Variants in DLG2 observed in about 807,000 individuals in gnomAD.
The protein encoded by DLG2 is disks large homolog 2.
Under a neutral mutation model 132.5 loss-of-function variants are expected in DLG2, and 45 were observed. The ratio of observed to expected loss-of-function variants is 0.34; its 90% CI spans 0.27 to 0.44. The LOEUF (loss-of-function observed/expected upper bound fraction) is 0.44, where lower values mean the gene tolerates loss of function less well. Among genes scored for constraint, DLG2 ranks in the 20% least tolerant of loss-of-function variants. The pLI is 1.00. For missense variants in DLG2, 1,045 were observed against 1,196.9 expected, an observed-to-expected ratio of 0.87 and a Z score of 1.87; for synonymous variants, 424 against 419.6, an observed-to-expected ratio of 1.01 and a Z score of -0.13.
chr11:84,207,081 CTA>C (rs66827556), intron 8 of DLG2, among the ~76,000 whole-genome samples: 54 of 147,000 alleles, frequency 3.7e-4, no homozygotes, highest in Admixed American at 2.9e-3. Flanking sequence ...CTCTCTCTCT[CTA>C]TATATATATA....
chr11:83,672,814 G>C (rs946581588), intron 18 of DLG2, among the ~76,000 whole-genome samples: 1 of 152,170 alleles, frequency 6.6e-6, no homozygotes, highest in African/African-American at 2.4e-5. Flanking sequence ...TGTAATCCCA[G>C]CACTTTGGGA....
chr11:84,809,399 T>C (rs1170806769), intron 6 of DLG2, among the ~76,000 whole-genome samples: 2 of 151,724 alleles, frequency 1.3e-5, no homozygotes, highest in Non-Finnish European at 3.0e-5. Context: ...CCCACCACTC[T>C]TATTTACCAT....
intron 11 of DLG2, among the ~76,000 whole-genome samples, chr11:84,055,397 A>G (rs1371121721): frequency 6.6e-6 from 1 of 152,086 alleles, no homozygotes; most frequent in Non-Finnish European, 1.5e-5. Context: ...ATATTTTATC[A>G]TGTGTCACTC....
At chr11:85,142,448 T>C (rs1400542452) in intron 5 of DLG2, among the ~76,000 whole-genome samples, 1 of 151,758 alleles carries the variant, frequency 6.6e-6, no homozygotes, top group African/African-American at 2.4e-5. Context: ...TCAGTTCTAT[T>C]AGTATAGTTT....
chr11:83,754,312 A>G (rs1392309474), intron 18 of DLG2, among the ~76,000 whole-genome samples: 4 of 151,246 alleles, frequency 2.6e-5, no homozygotes, highest in Non-Finnish European at 5.9e-5. Flanking sequence ...TTGTATAAAT[A>G]GTAGTGGCAG....
chr11:85,056,592 G>A (rs189840486), intron 6 of DLG2, among the ~76,000 whole-genome samples: 1 of 152,066 alleles, frequency 6.6e-6, no homozygotes, highest in Admixed American at 6.6e-5. Context: ...ATTATATGAT[G>A]TATAATGATC....
chr11:83,930,269 T>C, intron 15 of DLG2, 59 bp downstream of exon 15: 4 of 1,590,090 alleles, frequency 2.5e-6, no homozygotes, highest in Non-Finnish European at 3.4e-6. Flanking sequence ...TTCTACCCAT[T>C]TATCCTTGTG....
chr11:84,777,299 A>G lies in DLG2; in HGVS notation c.358-242568T>C, dbSNP rs1050352652. Among the ~76,000 whole-genome samples, 71 of 128,828 alleles carry G rather than the reference A, an allele frequency of 5.5e-4. 2 individuals are homozygous for G. The highest frequency in any genetic ancestry group is 1.7e-3 in the African/African-American group (59 of 35,028). The allele number at this position is 128,828 out of a possible 152,430, so 84.5% of individuals were successfully genotyped here. A position where few individuals can be genotyped will look rare whatever the true frequency, so the allele number is the denominator to read the frequency against. ...TGTGTGTGTATATATATATATATAT[A>G]TATATATATATATATATATATATAT... On this transcript the variant is annotated intron_variant, in intron 6 of 27. Transcript: ENST00000376104.
intron 22 of DLG2, among the ~76,000 whole-genome samples, chr11:83,479,221 T>A (rs1250836790): frequency 1.3e-5 from 2 of 152,090 alleles, no homozygotes; most frequent in Non-Finnish European, 2.9e-5. Flanking sequence ...TGAGCCTACC[T>A]CCATCTGCCA....
chr11:84,483,116 A>T (rs1417173415), intron 7 of DLG2, among the ~76,000 whole-genome samples: 1 of 152,122 alleles, frequency 6.6e-6, no homozygotes, highest in African/African-American at 2.4e-5. Flanking sequence ...ATAAAGAACG[A>T]CATCTGCATG....
chr11:84,973,178 C>G (rs529381618), intron 6 of DLG2, among the ~76,000 whole-genome samples: 26 of 152,076 alleles, frequency 1.7e-4, no homozygotes, highest in African/African-American at 6.3e-4. Context: ...AGGCTGGTCT[C>G]GAACTCCTAA....
At chr11:84,744,331 T>C (rs1435438446) in intron 6 of DLG2, among the ~76,000 whole-genome samples, 4 of 152,222 alleles carry the variant, frequency 2.6e-5, no homozygotes, top group Non-Finnish European at 4.4e-5. Flanking sequence ...CACAATGCCT[T>C]TGAAGTGCAG....
intron 4 of DLG2, among the ~76,000 whole-genome samples, chr11:85,216,218 CG>C (rs2082584894): frequency 6.6e-6 from 1 of 152,032 alleles, no homozygotes; most frequent in South Asian, 2.1e-4. Flanking sequence ...AGATTTAAAA[CG>C]ACAAGAAAGT....
intron 6 of DLG2, among the ~76,000 whole-genome samples, chr11:84,924,880 C>G (rs1279481118): frequency 1.3e-5 from 2 of 152,162 alleles, no homozygotes; most frequent in African/African-American, 4.8e-5. Context: ...ATGCCCAGCT[C>G]TCATCATTCC....
At chr11:83,577,447 G>T (rs2096890605) in intron 19 of DLG2, among the ~76,000 whole-genome samples, 1 of 131,640 alleles carries the variant, frequency 7.6e-6, no homozygotes, top group Non-Finnish European at 1.5e-5. Context: ...AGTTTATATA[G>T]GAACTAATAG....
rs1594856370 is a variant in DLG2, at chr11:85,150,349, G to A, written c.282+4207C>T. Among the ~76,000 whole-genome samples, 6 of 151,976 alleles carry A rather than the reference G, an allele frequency of 3.9e-5. No individual in the cohort carries two copies. The South Asian group carries it at 1.2e-3, about 31-fold the overall frequency. ...TTTTTAAATTATTATTGTATCATAA[G>A]AAGAACCACATAACCTTAAATTTAT... On this transcript the variant is annotated intron_variant, in intron 5 of 27. Coordinates refer to ENST00000376104, the MANE Select transcript of DLG2 (RefSeq NM_001142699.3).
intron 12 of DLG2, among the ~76,000 whole-genome samples, chr11:83,968,864 T>G (rs2090763972): frequency 6.6e-6 from 1 of 152,082 alleles, no homozygotes; most frequent in Non-Finnish European, 1.5e-5. Context: ...CAATTGTTTG[T>G]GGAATGAATG....
chr11:84,765,651 AT>A (rs1311204871), intron 6 of DLG2, among the ~76,000 whole-genome samples: 1 of 152,126 alleles, frequency 6.6e-6, no homozygotes, highest in Non-Finnish European at 1.5e-5. Context: ...TATAAAAATT[AT>A]TTTGTCATAC....
chr11:83,599,731 A>G (rs2058216198), intron 19 of DLG2, among the ~76,000 whole-genome samples: 1 of 152,196 alleles, frequency 6.6e-6, no homozygotes, highest in Non-Finnish European at 1.5e-5. Flanking sequence ...GGCACTCTAT[A>G]ATCACTGGTT....
Sources: gnomAD v4.1 joint callset for allele counts (sites outside exome capture counted in the v4.1 genomes callset) on GRCh38, gnomAD v4.1.1 for gene constraint, MANE v1.5 for transcripts, NCBI Gene and HGNC (gene_info 2026-07-23, HGNC 2026-07-21) for gene names.